DLGAP1: variants seen among roughly 807,000 people sequenced by gnomAD.
DLGAP1 encodes disks large-associated protein 1.
DLGAP1 carries 11 observed loss-of-function variants against 90.8 expected under a neutral mutation model. The ratio of observed to expected loss-of-function variants is 0.12; its 90% CI spans 0.08 to 0.20. DLGAP1 has a LOEUF of 0.20. DLGAP1 is among the 10% of genes least tolerant of loss of function. The probability of loss-of-function intolerance (pLI) is 1.00; values close to 1 mark genes in which losing one functional copy is unlikely to be tolerated. For synonymous variants in DLGAP1, 558 were observed against 540.7 expected, an observed-to-expected ratio of 1.03 and a Z score of -0.44; for missense variants, 1,050 against 1,333.8, an observed-to-expected ratio of 0.79 and a Z score of 3.31.
chr18:3,597,292 A>C, intron 7 of DLGAP1: 1 of 486,758 alleles, frequency 2.1e-6, no homozygotes. Context: ...TCTGGAATGG[A>C]ATCACATGAC....
At chr18:3,545,770 A>G (rs1042866813) in intron 9 of DLGAP1, among the ~76,000 whole-genome samples, 2 of 152,236 alleles carry the variant, frequency 1.3e-5, no homozygotes, top group African/African-American at 2.4e-5. Flanking sequence ...AGGATGAAAA[A>G]AGATACATGG....
chr18:3,531,443 A>G (rs112330850), intron 10 of DLGAP1, among the ~76,000 whole-genome samples: 3 of 152,172 alleles, frequency 2.0e-5, no homozygotes, highest in African/African-American at 7.2e-5. Flanking sequence ...GTCTTTTAAA[A>G]AAAAAATTAT....
intron 1 of DLGAP1, among the ~76,000 whole-genome samples, chr18:4,286,332 T>C (rs144303205): frequency 4.3e-4 from 65 of 152,234 alleles, no homozygotes; most frequent in Middle Eastern, 3.4e-3. Context: ...GACCCCTCAC[T>C]ACAAGGAAAA....
intron 7 of DLGAP1, among the ~76,000 whole-genome samples, chr18:3,706,386 A>T (rs2061433651): frequency 6.6e-6 from 1 of 152,166 alleles, no homozygotes; most frequent in Admixed American, 6.6e-5. Flanking sequence ...AGGGTGATGG[A>T]CACATAAGGG....
chr18:3,905,812 G>A (rs73940265), intron 3 of DLGAP1, among the ~76,000 whole-genome samples: 1,569 of 152,272 alleles, frequency 0.01, 28 homozygotes, highest in African/African-American at 0.036. Flanking sequence ...TGTGTTTGGG[G>A]GAAGCTGGTT....
At chr18:3,952,495 G>C (rs1203050445) in intron 3 of DLGAP1, among the ~76,000 whole-genome samples, 2 of 152,200 alleles carry the variant, frequency 1.3e-5, no homozygotes, top group East Asian at 3.9e-4. Context: ...CACGGCAAAG[G>C]GTTGATTTCC....
At chr18:3,637,378 T>C (rs73383008) in intron 7 of DLGAP1, among the ~76,000 whole-genome samples, 2,454 of 152,088 alleles carry the variant, frequency 0.016, 78 homozygotes, top group African/African-American at 0.056. Flanking sequence ...GTTTATTTGG[T>C]AAAGGAGACA....
At chr18:4,172,806 G>A (rs2077045426) in intron 1 of DLGAP1, among the ~76,000 whole-genome samples, 1 of 152,160 alleles carries the variant, frequency 6.6e-6, no homozygotes, top group African/African-American at 2.4e-5. Context: ...CATTTTTTCT[G>A]CAACAAAAGA....
At chr18:4,126,806 G>T (rs2076239612) in intron 2 of DLGAP1, among the ~76,000 whole-genome samples, 1 of 152,228 alleles carries the variant, frequency 6.6e-6, no homozygotes, top group African/African-American at 2.4e-5. Context: ...CAAAAACGTA[G>T]ATATCAAAGA....
At chr18:3,769,508 A>G (rs2064415909) in intron 5 of DLGAP1, among the ~76,000 whole-genome samples, 3 of 152,196 alleles carry the variant, frequency 2.0e-5, no homozygotes. Context: ...ATATCCTTCA[A>G]GGAATGAATG....
chr18:3,761,337 C>A (rs779192227), intron 5 of DLGAP1, among the ~76,000 whole-genome samples: 1 of 152,120 alleles, frequency 6.6e-6, no homozygotes, highest in Non-Finnish European at 1.5e-5. Context: ...TGGAATCATA[C>A]AAAATTTGTC....
At chr18:3,516,085 G>A (rs1029151243) in intron 10 of DLGAP1, among the ~76,000 whole-genome samples, 1 of 152,080 alleles carries the variant, frequency 6.6e-6, no homozygotes, top group African/African-American at 2.4e-5. Flanking sequence ...CTGAAGTCTT[G>A]AACCCCTCAG....
intron 4 of DLGAP1, among the ~76,000 whole-genome samples, chr18:3,866,074 T>G (rs2148767289): frequency 6.6e-6 from 1 of 152,290 alleles, no homozygotes; most frequent in South Asian, 2.1e-4. Context: ...AGAAAAGGTA[T>G]GAAGGTAACA....
At chr18:3,874,271 C>T (rs765110032) in intron 4 of DLGAP1, 34 of 1,549,426 alleles carry the variant, frequency 2.2e-5, no homozygotes, top group Non-Finnish European at 2.9e-5. Flanking sequence ...CTTTCCTTCT[C>T]GGTCTGTCTT....
At chr18:4,341,208 A>G (rs1397982299) in intron 1 of DLGAP1, among the ~76,000 whole-genome samples, 1 of 151,962 alleles carries the variant, frequency 6.6e-6, no homozygotes, top group African/African-American at 2.4e-5. Flanking sequence ...AAAAAGAAAA[A>G]TGTGAAGAAG....
intron 3 of DLGAP1, among the ~76,000 whole-genome samples, chr18:3,882,635 C>T (rs1361371425): frequency 2.0e-5 from 3 of 152,088 alleles, no homozygotes; most frequent in South Asian, 4.1e-4. Flanking sequence ...AGCTCAGCCT[C>T]AGGGAAAAGT....
chr18:4,248,057 G>A (rs1158736118), intron 1 of DLGAP1, among the ~76,000 whole-genome samples: 1 of 152,068 alleles, frequency 6.6e-6, no homozygotes, highest in African/African-American at 2.4e-5. Context: ...AAAATATCGT[G>A]ATTTTGGTCA....
intron 7 of DLGAP1, among the ~76,000 whole-genome samples, chr18:3,595,653 G>A (rs958691029): frequency 6.6e-6 from 1 of 152,200 alleles, no homozygotes; most frequent in Admixed American, 6.5e-5. Context: ...ACATGTTGAA[G>A]TCAGGATGTT....
At chr18:3,700,007 G>C (rs1470119264) in intron 7 of DLGAP1, among the ~76,000 whole-genome samples, 1 of 152,194 alleles carries the variant, frequency 6.6e-6, no homozygotes. Context: ...TGGACTTCAG[G>C]CTGCTGTTCT....
Sources: gnomAD v4.1 joint callset for allele counts (sites outside exome capture counted in the v4.1 genomes callset) on GRCh38, gnomAD v4.1.1 for gene constraint, MANE v1.5 for transcripts, NCBI Gene and HGNC (gene_info 2026-07-23, HGNC 2026-07-21) for gene names.